EXOC4: variants seen among roughly 807,000 people sequenced by gnomAD.
The protein encoded by EXOC4 is SEC8-like 1.
Under a neutral mutation model 107.2 loss-of-function variants are expected in EXOC4, and 71 were observed. The observed-to-expected ratio is 0.66, with a 90% CI of 0.55 to 0.81. EXOC4 has a LOEUF of 0.81. Among genes scored for constraint, EXOC4 ranks in the 30% least tolerant of loss-of-function variants. EXOC4 has a pLI of 0.00. For synonymous variants in EXOC4, 456 were observed against 441.2 expected, an observed-to-expected ratio of 1.03 and a Z score of -0.42; for missense variants, 1,108 against 1,189.6, an observed-to-expected ratio of 0.93 and a Z score of 1.01.
rs375850633 is a variant in EXOC4 at position 133,513,314 on chromosome 7, C to T, written c.1417+33176C>T. 2.0e-4 allele frequency among the ~76,000 whole-genome samples: 30 copies of T among 152,276 alleles called. 1 individual carries two copies. Among genetic ancestry groups the T allele is most frequent in the African/African-American group, 6.5e-4 (27 of 41,554 alleles). On this transcript the variant is annotated intron_variant, in intron 9 of 17. Coordinates refer to ENST00000253861, the MANE Select transcript of EXOC4 (RefSeq NM_021807.4). Reference sequence around the variant, plus strand: ...AAACTCCTGAGCTCAAGCGATCCATCGCCTTGGCCTCCCAAAGTGCTGGGA... The same window carrying T: ...AAACTCCTGAGCTCAAGCGATCCATTGCCTTGGCCTCCCAAAGTGCTGGGA...
At chr7:133,409,546 T>C (rs911043358) in intron 7 of EXOC4, among the ~76,000 whole-genome samples, 15 of 152,328 alleles carry the variant, frequency 9.8e-5, no homozygotes, top group African/African-American at 3.6e-4. Flanking sequence ...TTTTCGCTAT[T>C]ACCTTTAGAG....
intron 17 of EXOC4, among the ~76,000 whole-genome samples, chr7:134,046,749 A>C (rs1416820318): frequency 6.6e-6 from 1 of 151,534 alleles, no homozygotes; most frequent in Non-Finnish European, 1.5e-5. Context: ...GAACCCAGGG[A>C]CTCCCATGCC....
At chr7:133,651,209 C>A (rs542313201) in intron 10 of EXOC4, among the ~76,000 whole-genome samples, 3 of 152,014 alleles carry the variant, frequency 2.0e-5, no homozygotes, top group African/African-American at 4.8e-5. Context: ...GCATGTGTAG[C>A]GCCTTCTGTT....
At chr7:133,466,492 T>C (rs982674870) in intron 7 of EXOC4, among the ~76,000 whole-genome samples, 1 of 152,106 alleles carries the variant, frequency 6.6e-6, no homozygotes, top group Non-Finnish European at 1.5e-5. Flanking sequence ...AGACACAAAG[T>C]ACCAAAACTG....
intron 10 of EXOC4, among the ~76,000 whole-genome samples, chr7:133,810,701 T>C (rs753876221): frequency 6.5e-4 from 99 of 152,036 alleles, no homozygotes; most frequent in Middle Eastern, 3.4e-3. Flanking sequence ...GGCACAATCT[T>C]GGCTCACTGC....
chr7:133,258,517 CTG>C (rs1795068915), intron 1 of EXOC4, among the ~76,000 whole-genome samples: 2 of 152,130 alleles, frequency 1.3e-5, no homozygotes, highest in South Asian at 4.1e-4. Flanking sequence ...CTAATACAAT[CTG>C]TGTTTTTTTG....
intron 13 of EXOC4, among the ~76,000 whole-genome samples, chr7:133,933,694 G>A (rs536646489): frequency 6.6e-6 from 1 of 152,182 alleles, no homozygotes; most frequent in African/African-American, 2.4e-5. Context: ...GGGGACAAGT[G>A]ACTGTGTCTT....
intron 10 of EXOC4, among the ~76,000 whole-genome samples, chr7:133,709,754 A>C (rs1794846119): frequency 6.6e-6 from 1 of 150,930 alleles, no homozygotes; most frequent in African/African-American, 2.4e-5. Flanking sequence ...ACTACTTGTG[A>C]AACCTTGGAT....
At chr7:133,724,149 A>G (rs940098616) in intron 10 of EXOC4, among the ~76,000 whole-genome samples, 1 of 152,206 alleles carries the variant, frequency 6.6e-6, no homozygotes, top group Non-Finnish European at 1.5e-5. Flanking sequence ...CAGACTAATC[A>G]ATGGTAAGTT....
intron 9 of EXOC4, among the ~76,000 whole-genome samples, chr7:133,520,862 T>A (rs1242919447): frequency 6.6e-6 from 1 of 152,170 alleles, no homozygotes; most frequent in African/African-American, 2.4e-5. Flanking sequence ...TTGAGTTTCA[T>A]TTATGCCTTT....
At chr7:133,615,744 G>C (rs561594284) in intron 9 of EXOC4, among the ~76,000 whole-genome samples, 1 of 152,100 alleles carries the variant, frequency 6.6e-6, no homozygotes, top group Non-Finnish European at 1.5e-5. Context: ...GAGCCTTTTC[G>C]TTGGTAACCT....
intron 10 of EXOC4, among the ~76,000 whole-genome samples, chr7:133,727,955 TTC>T (rs1282095366): frequency 6.6e-6 from 1 of 152,234 alleles, no homozygotes; most frequent in Non-Finnish European, 1.5e-5. Flanking sequence ...ACAGTTGAAT[TTC>T]TTTCTTTTTT....
At chr7:133,463,328 T>C (rs1798639111) in intron 7 of EXOC4, among the ~76,000 whole-genome samples, 1 of 152,064 alleles carries the variant, frequency 6.6e-6, no homozygotes, top group African/African-American at 2.4e-5. Context: ...GAGGTGGTAA[T>C]AGAGAGTTTA....
At chr7:133,620,225 C>T (rs1332560526) in intron 9 of EXOC4, among the ~76,000 whole-genome samples, 3 of 151,910 alleles carry the variant, frequency 2.0e-5, no homozygotes, top group East Asian at 1.9e-4. Context: ...CCAGGTTTCA[C>T]CATCTTGGCC....
At chr7:133,543,640 A>T (rs1800423865) in intron 9 of EXOC4, among the ~76,000 whole-genome samples, 1 of 152,064 alleles carries the variant, frequency 6.6e-6, no homozygotes, top group Admixed American at 6.5e-5. Context: ...TCTAGCCTTT[A>T]ATATTTTAGT....
intron 9 of EXOC4, among the ~76,000 whole-genome samples, chr7:133,505,000 C>T (rs1450779653): frequency 6.6e-6 from 1 of 151,766 alleles, no homozygotes; most frequent in East Asian, 1.9e-4. Flanking sequence ...AGAGTCAGGT[C>T]GGAGATTGAA....
chr7:133,857,256 T>C (rs1389185710), intron 11 of EXOC4, among the ~76,000 whole-genome samples: 6 of 45,406 alleles, frequency 1.3e-4, no homozygotes, highest in East Asian at 6.5e-4. Context: ...TATATATATA[T>C]ATATATATAT....
chr7:133,332,610 A>G (rs561384683), intron 5 of EXOC4, among the ~76,000 whole-genome samples: 1 of 152,342 alleles, frequency 6.6e-6, no homozygotes, highest in East Asian at 1.9e-4. Context: ...CAAAATTCTA[A>G]TAGAATATTT....
chr7:134,042,266 A>G lies in EXOC4; in HGVS notation c.2688-22025A>G, dbSNP rs564324083. ...GCATCTCTGCTATAGAGTATAAAGC[A>G]TATTAGTTTAAAAGACTATTATTTC... On this transcript the variant is annotated intron_variant, in intron 17 of 17. Transcript: ENST00000253861. Among the ~76,000 whole-genome samples, 186 of 152,322 alleles carry G rather than the reference A, an allele frequency of 1.2e-3. 2 individuals are homozygous for G. Among genetic ancestry groups the G allele is most frequent in the African/African-American group, 4.3e-3 (179 of 41,570 alleles).
Sources: gnomAD v4.1 joint callset for allele counts (sites outside exome capture counted in the v4.1 genomes callset) on GRCh38, gnomAD v4.1.1 for gene constraint, MANE v1.5 for transcripts, NCBI Gene and HGNC (gene_info 2026-07-23, HGNC 2026-07-21) for gene names.